Variants in GOLIM4 observed in about 807,000 individuals in gnomAD.
GOLIM4 encodes the protein golgi integral membrane protein 4.
In GOLIM4, 71 loss-of-function variants were observed where a neutral mutation model predicts 107.4. The observed-to-expected ratio is 0.66, with a 90% CI of 0.55 to 0.81. The LOEUF is 0.81. Among genes scored for constraint, GOLIM4 ranks in the 30% least tolerant of loss-of-function variants. GOLIM4 has a pLI of 0.00. For synonymous variants in GOLIM4, 327 were observed against 294.8 expected, an observed-to-expected ratio of 1.11 and a Z score of -1.12; for missense variants, 830 against 826.1, an observed-to-expected ratio of 1.00 and a Z score of -0.06.
chr3:168,049,375 T>C (rs1182693889), intron 1 of GOLIM4, among the ~76,000 whole-genome samples: 1 of 152,214 alleles, frequency 6.6e-6, no homozygotes, highest in Non-Finnish European at 1.5e-5. Flanking sequence ...TGAGAGAAGT[T>C]AGTGAAGCAA....
At chr3:168,039,026 C>T (rs1718817403) in intron 7 of GOLIM4, among the ~76,000 whole-genome samples, 1 of 152,088 alleles carries the variant, frequency 6.6e-6, no homozygotes, top group African/African-American at 2.4e-5. Context: ...CATGCTGGCA[C>T]CCTGATCTAG....
chr3:168,094,941 A>C (rs1354811108), intron 1 of GOLIM4, among the ~76,000 whole-genome samples, 158 bp downstream of exon 1: 2 of 152,028 alleles, frequency 1.3e-5, no homozygotes, highest in South Asian at 2.1e-4. Flanking sequence ...CTCCCCTGAC[A>C]CTCTGGTGCC....
At chr3:168,029,151 T>C (rs1718167402) in intron 11 of GOLIM4, 72 bp downstream of exon 11, 2 of 967,920 alleles carry the variant, frequency 2.1e-6, no homozygotes, top group South Asian at 1.4e-5. Context: ...TTATATAATA[T>C]TGGCTCACTG....
intron 1 of GOLIM4, among the ~76,000 whole-genome samples, chr3:168,072,739 A>G (rs1178061331): frequency 6.6e-6 from 1 of 152,188 alleles, no homozygotes; most frequent in East Asian, 1.9e-4. Context: ...GAAAAATTAG[A>G]TGAAGCAACT....
chr3:168,065,646 A>G (rs1248078447), intron 1 of GOLIM4, among the ~76,000 whole-genome samples: 1 of 152,186 alleles, frequency 6.6e-6, no homozygotes, highest in Non-Finnish European at 1.5e-5. Flanking sequence ...ATGACTTTCC[A>G]TTCACTTTTC....
rs766253686 is a variant in GOLIM4 at position 168,036,936 on chromosome 3, C to T, written c.743G>A (p.Arg248Gln). 3.0e-5 allele frequency: 47 copies of T among 1,573,892 alleles called. No individual in the cohort carries two copies. Among genetic ancestry groups the T allele is most frequent in the African/African-American group, 1.0e-4 (7 of 69,230 alleles). ...TTGCTGTTCTGCTGGATCAGGTTTTCGAAGGCTTGGAATCCTATTCAGAGT... is the reference window on the plus strand; with the variant it reads ...TTGCTGTTCTGCTGGATCAGGTTTTTGAAGGCTTGGAATCCTATTCAGAGT... Reference protein sequence around the residue: ...KDTLNRIPSLRKPDPAEQQNV... With the variant: ...KDTLNRIPSLQKPDPAEQQNV... The change falls in exon 8 of 16, where the codon CGA becomes CAA. Residue 248 changes from arginine to glutamine, a missense_variant. Physicochemically the swap from Arg to Gln is conservative, Grantham distance 43 (BLOSUM62 1). Transcript: ENST00000470487.
intron 5 of GOLIM4, among the ~76,000 whole-genome samples, chr3:168,041,783 T>C (rs1719017546): frequency 6.6e-6 from 1 of 152,108 alleles, no homozygotes; most frequent in African/African-American, 2.4e-5. Flanking sequence ...AGCATACCCT[T>C]AGGAATAAAA....
At chr3:168,012,050 T>C (rs1051814615) in intron 14 of GOLIM4, among the ~76,000 whole-genome samples, 2 of 105,338 alleles carry the variant, frequency 1.9e-5, no homozygotes, top group Non-Finnish European at 3.6e-5. Context: ...GAGAATGACA[T>C]TGACGAGCTG....
At chr3:168,037,063 C>CTTCT in intron 7 of GOLIM4, 69 bp from the exon 8 acceptor site, 1 of 713,424 alleles carries the variant, frequency 1.4e-6, no homozygotes, top group Non-Finnish European at 2.2e-6. Context: ...CATTTGGGTA[C>CTTCT]ACTGTAAAAC....
intron 14 of GOLIM4, among the ~76,000 whole-genome samples, chr3:168,023,860 C>T (rs913767430): frequency 2.6e-5 from 4 of 152,238 alleles, no homozygotes; most frequent in African/African-American, 7.2e-5. Flanking sequence ...TCAACTACAC[C>T]GTAAGCAGCA....
chr3:168,037,064 A>T (rs796104079), intron 7 of GOLIM4, 70 bp from the exon 8 acceptor site: 1 of 1,004,634 alleles, frequency 1.0e-6, no homozygotes, highest in African/African-American at 1.6e-5. Flanking sequence ...ATTTGGGTAC[A>T]CTGTAAAACT....
At chr3:168,091,206 C>T (rs894685704) in intron 1 of GOLIM4, among the ~76,000 whole-genome samples, 1 of 152,298 alleles carries the variant, frequency 6.6e-6, no homozygotes, top group Admixed American at 6.5e-5. Flanking sequence ...GTAACATATT[C>T]ATCTGGAATA....
intron 1 of GOLIM4, among the ~76,000 whole-genome samples, chr3:168,054,596 T>A (rs1156676555): frequency 6.6e-6 from 1 of 152,070 alleles, no homozygotes; most frequent in African/African-American, 2.4e-5. Flanking sequence ...TCATGCTTTG[T>A]TTTTACTTAT....
intron 1 of GOLIM4, among the ~76,000 whole-genome samples, chr3:168,059,037 T>C (rs1720125012): frequency 6.6e-6 from 1 of 152,100 alleles, no homozygotes; most frequent in African/African-American, 2.4e-5. Context: ...TGCAAACATG[T>C]GTAAGAATGC....
chr3:168,010,297 T>C lies in GOLIM4; in HGVS notation c.2063A>G (p.Glu688Gly). The change falls in exon 16 of 16, where the codon GAG becomes GGG. Residue 688 changes from glutamate to glycine, a missense_variant. Transcript: ENST00000470487. ...EEEEDGAAVA[E>G]KSHRRAEM The stretch of plus-strand genomic sequence containing the variant: ...CATTTCAGCTCTTCGATGTGATTTC[T>C]CAGCAACTGCAGCCCCGTCTTCTTC... 1.2e-6 allele frequency: 2 copies of C among 1,613,324 alleles called. No homozygotes were observed. Among genetic ancestry groups the C allele is most frequent in the Non-Finnish European group, 1.7e-6 (2 of 1,179,658 alleles).
At chr3:168,012,137 T>G (rs1440929745) in intron 14 of GOLIM4, among the ~76,000 whole-genome samples, 3 of 114,356 alleles carry the variant, frequency 2.6e-5, no homozygotes, top group East Asian at 4.2e-4. Context: ...GTTGAAAACT[T>G]TGAAAAAAAT....
Position 168,023,861 on chromosome 3 carries a change from G to A in GOLIM4, c.1860+665C>T, listed in dbSNP as rs148639650. ...CAGCACCACAATAATCAACTACACC[G>A]TAAGCAGCACCACAATAAACGCTAC... On this transcript the variant is annotated intron_variant, in intron 14 of 15. Transcript: ENST00000470487. Among the ~76,000 whole-genome samples the A allele has an allele frequency of 1.2e-3, 187 of 152,198 alleles. 2 individuals carry two copies. Among genetic ancestry groups the A allele is most frequent in the South Asian group, 1.0e-2 (48 of 4,814 alleles).
chr3:168,057,041 A>AG (rs1357315376), intron 1 of GOLIM4, among the ~76,000 whole-genome samples: 4 of 151,950 alleles, frequency 2.6e-5, no homozygotes, highest in Non-Finnish European at 5.9e-5. Context: ...CCATATGTTG[A>AG]GGGGGGGACC....
chr3:168,074,359 T>C (rs944426417), intron 1 of GOLIM4, among the ~76,000 whole-genome samples: 11 of 152,174 alleles, frequency 7.2e-5, no homozygotes, highest in African/African-American at 2.7e-4. Context: ...CTAGTCAACT[T>C]TTCAGGAAAA....
Sources: allele counts gnomAD v4.1 joint callset (sites outside exome capture counted in the v4.1 genomes callset), GRCh38; gene constraint gnomAD v4.1.1; transcripts MANE v1.5; gene names NCBI Gene and HGNC (gene_info 2026-07-23, HGNC 2026-07-21).